The following LRRC7 variants were observed in gnomAD, a reference collection of about 807,000 sequenced individuals.
LRRC7 encodes the protein leucine-rich repeat-containing protein 7.
A neutral mutation model predicts 175.7 loss-of-function variants in LRRC7; 23 were observed. That is an observed-to-expected ratio of 0.13 (90% CI 0.09 to 0.19). LRRC7 has a LOEUF of 0.19. LRRC7 is among the 10% of genes least tolerant of loss of function. The probability of loss-of-function intolerance (pLI) is 1.00; values close to 1 mark genes in which losing one functional copy is unlikely to be tolerated. For missense variants in LRRC7, 1,354 were observed against 1,904.7 expected, an observed-to-expected ratio of 0.71 and a Z score of 5.38; for synonymous variants, 685 against 680.9, an observed-to-expected ratio of 1.01 and a Z score of -0.09.
intron 26 of LRRC7, among the ~76,000 whole-genome samples, chr1:70,118,619 A>G (rs752387022): frequency 3.9e-4 from 59 of 152,194 alleles, no homozygotes; most frequent in Non-Finnish European, 2.5e-4. Flanking sequence ...TGAAGTAATG[A>G]AAGAAACAAG....
intron 7 of LRRC7, among the ~76,000 whole-genome samples, chr1:69,911,527 T>C (rs1482143524): frequency 1.3e-5 from 2 of 152,198 alleles, no homozygotes; most frequent in Non-Finnish European, 1.5e-5. Flanking sequence ...ATCTGACTGG[T>C]TGTTTTGATT....
At chr1:69,847,225 G>T (rs1443804989) in intron 7 of LRRC7, among the ~76,000 whole-genome samples, 1 of 151,876 alleles carries the variant, frequency 6.6e-6, no homozygotes, top group Non-Finnish European at 1.5e-5. Context: ...GTGGATTTTT[G>T]TTATATCCTT....
chr1:70,096,066 C>T (rs1664367514), intron 25 of LRRC7, among the ~76,000 whole-genome samples: 1 of 151,890 alleles, frequency 6.6e-6, no homozygotes, highest in Non-Finnish European at 1.5e-5. Context: ...CAACCTCTGC[C>T]TCCCGGGTTC....
chr1:69,813,884 T>A (rs1275266115), intron 4 of LRRC7, among the ~76,000 whole-genome samples: 1 of 152,106 alleles, frequency 6.6e-6, no homozygotes, highest in African/African-American at 2.4e-5. Flanking sequence ...TAATCACAAG[T>A]CAGAATGTTT....
intron 11 of LRRC7, among the ~76,000 whole-genome samples, chr1:70,000,660 C>T (rs879632010): frequency 6.6e-6 from 1 of 152,122 alleles, no homozygotes; most frequent in African/African-American, 2.4e-5. Context: ...TTTGTTGTTA[C>T]CTCTACCTGA....
intron 7 of LRRC7, among the ~76,000 whole-genome samples, chr1:69,911,837 T>C (rs1186410611): frequency 6.6e-6 from 1 of 152,160 alleles, no homozygotes; most frequent in Non-Finnish European, 1.5e-5. Flanking sequence ...TTATGCCTAT[T>C]TGATACACCC....
chr1:69,894,130 G>A (rs1034659857), intron 7 of LRRC7, among the ~76,000 whole-genome samples: 9 of 152,186 alleles, frequency 5.9e-5, no homozygotes, highest in African/African-American at 2.2e-4. Context: ...CTAGGGACCA[G>A]AATCTAATAG....
rs1234076278 is a variant in LRRC7 at position 70,142,606 on chromosome 1, TTC to T, written c.*20721_*20722del. ...GAAAATTAGAAGTAAATCTACCAAA[TTC>T]TGTTTGTAAATTTTAAAGACCACCA... On this transcript the variant is annotated 3_prime_UTR_variant, in exon 27 of 27. Coordinates refer to ENST00000651989, the MANE Select transcript of LRRC7 (RefSeq NM_001370785.2). The T allele has an allele frequency of 1.3e-5, 2 of 152,078 alleles. No individual in the cohort carries two copies. The highest frequency in any genetic ancestry group is 2.4e-5 in the African/African-American group (1 of 41,434). The allele number at this position is 152,078 out of a possible 1,614,324, so 9.4% of individuals were successfully genotyped here. A position where few individuals can be genotyped will look rare whatever the true frequency, so the allele number is the denominator to read the frequency against.
chr1:69,970,242 C>T (rs915810999), intron 8 of LRRC7, among the ~76,000 whole-genome samples: 1 of 151,830 alleles, frequency 6.6e-6, no homozygotes, highest in Non-Finnish European at 1.5e-5. Context: ...AAGAACAAAC[C>T]AAACCCAAAC....
At chr1:69,842,145 A>G (rs1409928293) in intron 7 of LRRC7, among the ~76,000 whole-genome samples, 2 of 152,130 alleles carry the variant, frequency 1.3e-5, no homozygotes, top group Non-Finnish European at 1.5e-5. Flanking sequence ...CATTTCATCA[A>G]GAAACAAAAT....
intron 7 of LRRC7, among the ~76,000 whole-genome samples, chr1:69,906,387 T>C (rs1313987254): frequency 1.3e-5 from 2 of 152,204 alleles, no homozygotes; most frequent in Non-Finnish European, 2.9e-5. Context: ...GTTTTTATGG[T>C]TTTACGTCTA....
chr1:70,116,364 G>T (rs925782139), intron 26 of LRRC7, among the ~76,000 whole-genome samples: 2 of 152,086 alleles, frequency 1.3e-5, no homozygotes, highest in African/African-American at 4.8e-5. Context: ...TGGTTAACAC[G>T]GTGAAACCCC....
chr1:69,718,564 T>C (rs747236514), intron 2 of LRRC7, among the ~76,000 whole-genome samples: 1 of 151,772 alleles, frequency 6.6e-6, no homozygotes. Context: ...GGTTGATCTA[T>C]TTGAATAGAG....
At chr1:69,633,219 A>C (rs1570069675) in intron 1 of LRRC7, among the ~76,000 whole-genome samples, 2 of 152,176 alleles carry the variant, frequency 1.3e-5, no homozygotes, top group South Asian at 4.2e-4. Context: ...CTTTCTTAAA[A>C]AATGAGTTAA....
chr1:69,659,782 A>AT (rs1657180623), intron 1 of LRRC7, among the ~76,000 whole-genome samples: 1 of 152,026 alleles, frequency 6.6e-6, no homozygotes, highest in Admixed American at 6.6e-5. Flanking sequence ...TACAATAAAG[A>AT]ACAGTAAACA....
rs530927920 is a variant in LRRC7, at chr1:70,142,530, C to T, written c.*20643C>T. On this transcript the variant is annotated 3_prime_UTR_variant, in exon 27 of 27. Coordinates refer to ENST00000651989, the MANE Select transcript of LRRC7 (RefSeq NM_001370785.2). ...TGTACTCAGTAGGGACTAAAGGAAG[C>T]TTAAGGATAATGACATTGTCTTCAT... 1.3e-5 allele frequency: 2 copies of T among 152,134 alleles called. No individual in the cohort carries two copies. Among genetic ancestry groups the T allele is most frequent in the South Asian group, 4.2e-4 (2 of 4,818 alleles). 9.4% of individuals were successfully genotyped at this position (152,134 alleles called of 1,614,324 possible).
chr1:69,981,985 G>A (rs2101890782), intron 9 of LRRC7, among the ~76,000 whole-genome samples: 1 of 152,302 alleles, frequency 6.6e-6, no homozygotes, highest in South Asian at 2.1e-4. Context: ...CCAGGGAGCT[G>A]TAATTCAAAC....
chr1:70,102,807 GA>G (rs1034099180), intron 25 of LRRC7, among the ~76,000 whole-genome samples: 2 of 152,164 alleles, frequency 1.3e-5, no homozygotes, highest in Non-Finnish European at 2.9e-5. Flanking sequence ...TACTGATGAG[GA>G]AAAGTCCATA....
chr1:69,637,604 A>G (rs1382712776), intron 1 of LRRC7, among the ~76,000 whole-genome samples: 2 of 151,962 alleles, frequency 1.3e-5, no homozygotes, highest in African/African-American at 4.8e-5. Flanking sequence ...AATTTATTTA[A>G]AAGTCAAATA....
Sources: allele counts gnomAD v4.1 joint callset (sites outside exome capture counted in the v4.1 genomes callset), GRCh38; gene constraint gnomAD v4.1.1; transcripts MANE v1.5; gene names NCBI Gene and HGNC (gene_info 2026-07-23, HGNC 2026-07-21).